TET1: variants seen among roughly 807,000 people sequenced by gnomAD.
TET1 encodes methylcytosine dioxygenase TET1.
TET1 carries 13 observed loss-of-function variants against 148.7 expected under a neutral mutation model. That is an observed-to-expected ratio of 0.09 (90% CI 0.06 to 0.14). The LOEUF (loss-of-function observed/expected upper bound fraction) is 0.14. Ranked by LOEUF, TET1 falls within the 10% of genes least tolerant of loss-of-function variation. TET1 has a pLI of 1.00. For missense variants in TET1, 2,182 were observed against 2,553.8 expected (o/e 0.85, Z 3.14); for synonymous variants, 907 against 937.2 (o/e 0.97, Z 0.59).
chr10:68,659,946 G>C (rs1018915075), intron 6 of TET1, among the ~76,000 whole-genome samples: 1 of 152,176 alleles, frequency 6.6e-6, no homozygotes, highest in African/African-American at 2.4e-5. Context: ...GTAATATGTA[G>C]ATAGCTTTAA....
rs1165770988 is a variant in TET1, at chr10:68,672,982, C to T, written c.4761C>T (p.Gly1587=). 4 of 1,612,514 alleles carry T rather than the reference C, an allele frequency of 2.5e-6. No individual in the cohort carries two copies. Among genetic ancestry groups the T allele is most frequent in the Non-Finnish European group, 2.5e-6 (3 of 1,178,898 alleles). ...GTTCATGGAGTATGTACTTTAATGG[C>T]TGTAAGTTTGGTAGAAGCCCAAGCC... ...FGCSWSMYFN[G]CKFGRSPSPR... The change falls in exon 8 of 12, where the codon GGC becomes GGT. Residue 1587 remains glycine, a synonymous_variant. Coordinates refer to ENST00000373644, the MANE Select transcript of TET1 (RefSeq NM_030625.3).
chr10:68,572,823 A>G lies in TET1; in HGVS notation c.485A>G (p.Asp162Gly), dbSNP rs10823229. 589,242 of 1,613,818 alleles carry G rather than the reference A, an allele frequency of 0.37. 112,787 individuals are homozygous for G. The highest frequency in any genetic ancestry group is 0.39 in the Non-Finnish European group (464,089 of 1,179,848). The change falls in exon 2 of 12, where the codon GAC becomes GGC. Residue 162 changes from aspartate (D) to glycine (G), a missense_variant. Transcript: ENST00000373644. Reference protein sequence around the residue: ...HSENDSVPMQDTQVLPDIETL... With the variant: ...HSENDSVPMQGTQVLPDIETL... ...GAAAATGATTCGGTTCCAATGCAAG[A>G]CACCCAAGTCCTTCCTGATATAGAG...
Position 68,645,778 on chromosome 10 carries a change from A to G in TET1, c.3049A>G (p.Thr1017Ala). ...IPKSNSSKID[T>A]NKSIAQGIIT... The stretch of plus-strand genomic sequence containing the variant: ...AAAATCAAATTCATCCAAGATTGAC[A>G]CCAATAAAAGTATTGCTCAAGGGAT... Residue 1017 changes from threonine to alanine, a missense_variant, in exon 4 of 12, where the codon ACC becomes GCC. This residue lies in a region of TET1 where 582 missense variants were observed against 599.5 expected (regional missense o/e 0.97). Transcript: ENST00000373644. The G allele has an allele frequency of 6.2e-7, 1 of 1,614,164 alleles. No individual in the cohort carries two copies. Among genetic ancestry groups the G allele is most frequent in the Non-Finnish European group, 8.5e-7 (1 of 1,179,986 alleles).
chr10:68,587,285 A>C (rs1439015145), intron 2 of TET1, among the ~76,000 whole-genome samples: 2 of 152,192 alleles, frequency 1.3e-5, no homozygotes, highest in Non-Finnish European at 2.9e-5. Flanking sequence ...GGGACGAGGA[A>C]GTGGGAGGAC....
intron 7 of TET1, among the ~76,000 whole-genome samples, chr10:68,669,268 C>G (rs1451347262): frequency 6.6e-6 from 1 of 151,464 alleles, no homozygotes; most frequent in Non-Finnish European, 1.5e-5. Flanking sequence ...AAAAACAGTT[C>G]ACAAATACAG....
chr10:68,681,359 T>C, intron 8 of TET1, 40 bp from the exon 9 acceptor site: 1 of 1,305,780 alleles, frequency 7.7e-7, no homozygotes, highest in Non-Finnish European at 1.1e-6. Context: ...CACATGAAGG[T>C]GCGATTATAA....
intron 3 of TET1, among the ~76,000 whole-genome samples, chr10:68,607,171 T>TA (rs34408803): frequency 0.19 from 27,587 of 142,526 alleles, 2,499 homozygotes; most frequent in South Asian, 0.26. Context: ...TTCAGGCTAT[T>TA]AAAAAAAAAA....
intron 10 of TET1, among the ~76,000 whole-genome samples, chr10:68,685,768 A>T (rs757270731): frequency 3.5e-4 from 54 of 152,238 alleles, no homozygotes; most frequent in Non-Finnish European, 6.9e-4. Context: ...AGAAAGGCAA[A>T]TTTATTGATA....
chr10:68,624,677 T>C (rs1351696268), intron 3 of TET1, among the ~76,000 whole-genome samples: 2 of 112,804 alleles, frequency 1.8e-5, no homozygotes, highest in Non-Finnish European at 3.6e-5. Context: ...TCTCTCTCTC[T>C]CTCTCTCTCT....
intron 8 of TET1, chr10:68,673,320 A>T (rs1432387045): frequency 3.2e-5 from 8 of 248,346 alleles, no homozygotes; most frequent in Non-Finnish European, 7.9e-6. Flanking sequence ...CATTAAAAGA[A>T]CCTAGAATTT....
At chr10:68,591,469 G>A (rs112966166) in intron 2 of TET1, among the ~76,000 whole-genome samples, 8 of 152,096 alleles carry the variant, frequency 5.3e-5, no homozygotes, top group Non-Finnish European at 4.4e-5. Flanking sequence ...TGCAGTACAG[G>A]GTCATCCAGC....
intron 11 of TET1, 59 bp downstream of exon 11, chr10:68,686,766 C>T (rs554036113): frequency 8.2e-6 from 12 of 1,461,928 alleles, no homozygotes; most frequent in South Asian, 2.7e-5. Context: ...TGTGTTTGGA[C>T]TTTGCCTTGC....
intron 10 of TET1, 51 bp downstream of exon 10, chr10:68,683,024 A>G (rs2055457479): frequency 1.3e-6 from 2 of 1,597,498 alleles, no homozygotes; most frequent in Admixed American, 1.8e-5. Flanking sequence ...CTATATGCTT[A>G]GGCTGCAGTC....
intron 2 of TET1, among the ~76,000 whole-genome samples, chr10:68,599,213 G>C (rs986464428): frequency 1.3e-5 from 2 of 152,220 alleles, no homozygotes; most frequent in East Asian, 1.9e-4. Flanking sequence ...TCTGAATCCA[G>C]CTGCAAGTGG....
chr10:68,591,631 A>G (rs922314672), intron 2 of TET1, among the ~76,000 whole-genome samples: 8 of 152,200 alleles, frequency 5.3e-5, no homozygotes, highest in African/African-American at 1.9e-4. Context: ...GGCCGGGCAC[A>G]GTGGCTCACA....
intron 2 of TET1, among the ~76,000 whole-genome samples, chr10:68,598,667 C>T (rs900787847): frequency 4.0e-5 from 6 of 150,972 alleles, no homozygotes; most frequent in African/African-American, 7.3e-5. Context: ...TTGAGAACAC[C>T]ATATTCATTA....
At chr10:68,661,196 ATT>A (rs974912892) in intron 6 of TET1, among the ~76,000 whole-genome samples, 227 of 78,610 alleles carry the variant, frequency 2.9e-3, no homozygotes, top group African/African-American at 0.013. Context: ...CGCCTGGCTA[ATT>A]TTTTTTTTTT....
chr10:68,618,200 T>G (rs1051720890), intron 3 of TET1, among the ~76,000 whole-genome samples: 12 of 152,292 alleles, frequency 7.9e-5, no homozygotes, highest in African/African-American at 2.9e-4. Context: ...TCATGAAATC[T>G]AGTTTATACC....
At chr10:68,659,159 C>T (rs188082736) in intron 6 of TET1, among the ~76,000 whole-genome samples, 2 of 152,222 alleles carry the variant, frequency 1.3e-5, no homozygotes, top group Non-Finnish European at 2.9e-5. Context: ...GTATACTTCC[C>T]CTCTTGAGCT....
Sources: gnomAD v4.1 joint callset for allele counts (sites outside exome capture counted in the v4.1 genomes callset) on GRCh38, gnomAD v4.1.1 for gene constraint, gnomAD v4.1.1 regional missense constraint, MANE v1.5 for transcripts, NCBI Gene and HGNC (gene_info 2026-07-23, HGNC 2026-07-21) for gene names.